NAALADL2: variants seen among roughly 807,000 people sequenced by gnomAD.
NAALADL2 encodes inactive N-acetylated-alpha-linked acidic dipeptidase-like protein 2.
A neutral mutation model predicts 87.2 loss-of-function variants in NAALADL2; 76 were observed. That is an observed-to-expected ratio of 0.87 (90% confidence interval 0.72 to 1.05). NAALADL2 has a LOEUF of 1.05. Among genes scored for constraint, NAALADL2 ranks in the 50% least tolerant of loss-of-function variants. The pLI is 0.00. For synonymous variants in NAALADL2, 354 were observed against 331.0 expected (o/e 1.07, Z -0.75); for missense variants, 1,089 against 945.8 (o/e 1.15, Z -1.99).
At chr3:174,958,352 G>A (rs923710261) in intron 1 of NAALADL2, among the ~76,000 whole-genome samples, 1 of 151,858 alleles carries the variant, frequency 6.6e-6, no homozygotes, top group African/African-American at 2.4e-5. Flanking sequence ...GATATTGAAA[G>A]AGTGGCTTTG....
chr3:174,496,584 T>C (rs1380165050), intron 1 of NAALADL2, among the ~76,000 whole-genome samples: 2 of 150,778 alleles, frequency 1.3e-5, no homozygotes, highest in African/African-American at 4.9e-5. Flanking sequence ...ACTATCTGTT[T>C]AGTACTCAAG....
intron 3 of NAALADL2, among the ~76,000 whole-genome samples, chr3:174,839,150 A>G (rs964093550): frequency 2.8e-4 from 43 of 152,232 alleles, no homozygotes; most frequent in Non-Finnish European, 4.4e-5. Context: ...ATAGGCATAT[A>G]CAACAAAGGG....
chr3:174,737,098 C>G (rs1342047635), intron 2 of NAALADL2, among the ~76,000 whole-genome samples: 1 of 152,228 alleles, frequency 6.6e-6, no homozygotes, highest in Admixed American at 6.5e-5. Flanking sequence ...GTTCCTGGCT[C>G]CTGCCAGGCC....
At chr3:175,463,587 C>G (rs1021271772) in intron 7 of NAALADL2, 94 bp downstream of exon 7, 40 of 648,100 alleles carry the variant, frequency 6.2e-5, no homozygotes, top group Non-Finnish European at 8.8e-5. Flanking sequence ...AAATATCCTA[C>G]TTGAGATATA....
chr3:174,849,912 C>A (rs1048803746), intron 3 of NAALADL2, among the ~76,000 whole-genome samples: 1 of 151,966 alleles, frequency 6.6e-6, no homozygotes, highest in Non-Finnish European at 1.5e-5. Context: ...AATCTTCCTA[C>A]TAAAGATATA....
intron 1 of NAALADL2, among the ~76,000 whole-genome samples, chr3:175,017,402 G>A (rs560604298): frequency 3.3e-5 from 5 of 152,028 alleles, no homozygotes; most frequent in Non-Finnish European, 7.4e-5. Flanking sequence ...CTCACTAAGT[G>A]GCAGACCAGG....
At chr3:175,418,048 T>A (rs1452794284) in intron 5 of NAALADL2, among the ~76,000 whole-genome samples, 1 of 152,054 alleles carries the variant, frequency 6.6e-6, no homozygotes, top group East Asian at 1.9e-4. Context: ...CTGGGAATTC[T>A]CCATTGGCTG....
chr3:175,567,965 C>T (rs1717469278), intron 9 of NAALADL2, among the ~76,000 whole-genome samples: 1 of 152,150 alleles, frequency 6.6e-6, no homozygotes, highest in Admixed American at 6.5e-5. Flanking sequence ...ATCTGCCTGC[C>T]TTGGCCTCCC....
chr3:175,274,215 C>T (rs1753261404), intron 4 of NAALADL2, among the ~76,000 whole-genome samples: 1 of 151,984 alleles, frequency 6.6e-6, no homozygotes, highest in Non-Finnish European at 1.5e-5. Flanking sequence ...GGGGAACTGC[C>T]CTTTTATAGA....
intron 2 of NAALADL2, among the ~76,000 whole-genome samples, chr3:174,717,909 T>C (rs574944772): frequency 6.6e-6 from 1 of 152,126 alleles, no homozygotes; most frequent in Non-Finnish European, 1.5e-5. Flanking sequence ...GCAGATCACC[T>C]GAAGTCAGGA....
rs547464329 is a variant in NAALADL2 at position 175,150,635 on chromosome 3, A to G, written c.545+53344A>G. On this transcript the variant is annotated intron_variant, in intron 2 of 13. Transcript: ENST00000454872. ...TAATTTGCATTCATTTGTCATAACT[A>G]ATGGGAACAAGTAATGGTCATTTTT... 2.2e-4 allele frequency among the ~76,000 whole-genome samples: 34 copies of G among 152,300 alleles called. No individual in the cohort carries two copies. In the East Asian group the frequency reaches 6.6e-3, roughly 29 times the overall value.
rs181065242 is a variant in NAALADL2 at position 174,777,263 on chromosome 3, T to G, written c.-9+39517T>G. Among the ~76,000 whole-genome samples the G allele has an allele frequency of 2.0e-5, 3 of 152,244 alleles. 1 individual carries two copies. The highest frequency in any genetic ancestry group is 2.0e-4 in the Admixed American group (3 of 15,254). On this transcript the variant is annotated intron_variant, in intron 3 of 3. Coordinates refer to the NAALADL2 transcript ENST00000434257. ...TTTATAGTTCATTTTAATTAAAATG[T>G]AGGTAATGTGTAAAAAATCATACCA...
At chr3:175,438,677 A>T (rs1719169423) in intron 5 of NAALADL2, among the ~76,000 whole-genome samples, 1 of 152,046 alleles carries the variant, frequency 6.6e-6, no homozygotes, top group African/African-American at 2.4e-5. Context: ...AAAACCAAGA[A>T]ATGAAAAATG....
intron 1 of NAALADL2, among the ~76,000 whole-genome samples, chr3:174,893,460 G>T (rs1401759120): frequency 1.3e-5 from 2 of 152,148 alleles, no homozygotes; most frequent in Non-Finnish European, 2.9e-5. Flanking sequence ...AAGACTAAAT[G>T]AGGAACCAAT....
chr3:175,343,975 C>T (rs1266567793), intron 5 of NAALADL2, among the ~76,000 whole-genome samples: 1 of 151,964 alleles, frequency 6.6e-6, no homozygotes, highest in African/African-American at 2.4e-5. Flanking sequence ...CAGCAAGATG[C>T]TGTAGCTTAT....
intron 1 of NAALADL2, among the ~76,000 whole-genome samples, chr3:174,930,613 A>AATTTTTTTTTTTTTTT (rs1188907600): frequency 1.0e-5 from 1 of 99,774 alleles, no homozygotes; most frequent in African/African-American, 4.4e-5. Context: ...AATAAGATGA[A>AATTTTTTTTTTTTTTT]CTTTTTTTTT....
intron 1 of NAALADL2, among the ~76,000 whole-genome samples, chr3:174,987,217 C>T (rs138851593): frequency 9.2e-5 from 14 of 152,102 alleles, no homozygotes; most frequent in African/African-American, 3.1e-4. Flanking sequence ...TAATAAAAAA[C>T]GAGTGTAAAT....
intron 2 of NAALADL2, among the ~76,000 whole-genome samples, chr3:174,634,517 A>G (rs753814246): frequency 6.6e-6 from 1 of 152,144 alleles, no homozygotes; most frequent in Non-Finnish European, 1.5e-5. Flanking sequence ...CGACTATTGA[A>G]TATACCCTAC....
chr3:175,368,691 G>T (rs1766020332), intron 5 of NAALADL2, among the ~76,000 whole-genome samples: 1 of 151,934 alleles, frequency 6.6e-6, no homozygotes. Flanking sequence ...TGACTTCATT[G>T]TTGAGAGAAC....
Sources: gnomAD v4.1 joint callset for allele counts (sites outside exome capture counted in the v4.1 genomes callset) on GRCh38, gnomAD v4.1.1 for gene constraint, MANE v1.5 for transcripts, NCBI Gene and HGNC (gene_info 2026-07-23, HGNC 2026-07-21) for gene names.